WNK3: variants seen among roughly 807,000 people sequenced by gnomAD.
WNK3 encodes serine/threonine-protein kinase WNK3.
Under a neutral mutation model 116.7 loss-of-function variants are expected in WNK3, and 18 were observed. The observed-to-expected ratio is 0.15, with a 90% confidence interval of 0.11 to 0.23. The LOEUF (loss-of-function observed/expected upper bound fraction) is 0.23, where lower values mean the gene tolerates loss of function less well. Ranked by LOEUF, WNK3 falls within the 10% of genes least tolerant of loss-of-function variation. WNK3 has a pLI of 1.00. For synonymous variants in WNK3, 404 were observed against 469.4 expected, an observed-to-expected ratio of 0.86 and a Z score of 1.80; for missense variants, 993 against 1,323.8, an observed-to-expected ratio of 0.75 and a Z score of 3.88.
At chrX:54,305,793 C>T (rs1372735901) in intron 5 of WNK3, among the ~76,000 whole-genome samples, 6 of 110,649 alleles carry the variant, frequency 5.4e-5, no homozygotes, top group Middle Eastern at 9.5e-3. Context: ...CAGTGGCTCA[C>T]GCTTGTGATC....
intron 7 of WNK3, among the ~76,000 whole-genome samples, chrX:54,296,907 G>GA (rs2068704493): frequency 9.0e-6 from 1 of 110,745 alleles, no homozygotes; most frequent in African/African-American, 3.3e-5. Context: ...AGAGAGATTG[G>GA]AAGCAAAGAG....
intron 13 of WNK3, among the ~76,000 whole-genome samples, chrX:54,252,422 C>A (rs2068143081): frequency 9.0e-6 from 1 of 110,995 alleles, no homozygotes; most frequent in Admixed American, 9.6e-5. Flanking sequence ...GGTAGCCCAG[C>A]ACTTTGGGAG....
chrX:54,254,914 T>A (rs1328438419), intron 12 of WNK3, among the ~76,000 whole-genome samples: 1 of 111,463 alleles, frequency 9.0e-6, no homozygotes, highest in African/African-American at 3.3e-5. Flanking sequence ...TAAAGTCCGA[T>A]CTAGGTTCAG....
chrX:54,357,360 CAAAA>C (rs1368783687), intron 1 of WNK3, among the ~76,000 whole-genome samples: 3 of 110,546 alleles, frequency 2.7e-5, no homozygotes, highest in African/African-American at 9.9e-5. Flanking sequence ...AAATCAAAAA[CAAAA>C]AAGAAAACAA....
chrX:54,299,483 C>T (rs1393277416), intron 6 of WNK3, among the ~76,000 whole-genome samples: 2 of 89,997 alleles, frequency 2.2e-5, no homozygotes, highest in African/African-American at 9.6e-5. Context: ...GGAGTGCAGT[C>T]GCGTGATCTT....
chrX:54,224,327 G>C (rs1387364234), intron 22 of WNK3, among the ~76,000 whole-genome samples: 2 of 105,974 alleles, frequency 1.9e-5, no homozygotes, highest in African/African-American at 6.9e-5. Context: ...ACTCCAGCCT[G>C]GGCAACAAGA....
intron 17 of WNK3, among the ~76,000 whole-genome samples, chrX:54,241,322 A>G (rs1394822857): frequency 8.9e-6 from 1 of 112,142 alleles, no homozygotes; most frequent in African/African-American, 3.2e-5. Flanking sequence ...AAACACTTAC[A>G]GACAGATGAA....
chrX:54,293,289 G>A (rs1557165553), exon 9 of WNK3: 1 of 1,202,855 alleles, frequency 8.3e-7, no homozygotes, highest in African/African-American at 1.7e-5. Context: ...GTATCTGAAT[G>A]TATAACTGAT....
At chrX:54,234,845 AAAACC>A (rs2067944916) in intron 20 of WNK3, among the ~76,000 whole-genome samples, 1 of 110,389 alleles carries the variant, frequency 9.1e-6, no homozygotes, top group African/African-American at 3.3e-5. Context: ...AAAAACCAAA[AAAACC>A]AAACCAAAAC....
intron 3 of WNK3, 116 bp from the exon 4 acceptor site, chrX:54,309,431 G>A (rs1013622231): frequency 4.2e-5 from 23 of 541,722 alleles, no homozygotes; most frequent in Admixed American, 1.5e-4. Flanking sequence ...CCATCACTGA[G>A]TTGTTTTCTA....
chrX:54,220,260 T>C (rs782820790), intron 22 of WNK3, among the ~76,000 whole-genome samples: 2 of 111,817 alleles, frequency 1.8e-5, no homozygotes, highest in Non-Finnish European at 1.9e-5. Flanking sequence ...TGAATTTCCA[T>C]TGAACCAAGC....
intron 17 of WNK3, among the ~76,000 whole-genome samples, chrX:54,243,299 T>TA (rs2068041962): frequency 9.4e-6 from 1 of 106,716 alleles, no homozygotes; most frequent in African/African-American, 3.4e-5. Flanking sequence ...TGGGCACCTG[T>TA]AGTCCTAGCT....
intron 22 of WNK3, among the ~76,000 whole-genome samples, chrX:54,214,229 C>T (rs1169239612): frequency 2.7e-5 from 3 of 111,398 alleles, no homozygotes; most frequent in Admixed American, 9.6e-5. Context: ...ATGATCCTCC[C>T]GCCTTGGCCT....
At chrX:54,198,548 A>G in exon 24 of WNK3, 1 of 1,211,196 alleles carries the variant, frequency 8.3e-7, no homozygotes, top group Non-Finnish European at 1.1e-6. Flanking sequence ...GGCCCAGGAA[A>G]TGAAGGGAGT....
intron 10 of WNK3, among the ~76,000 whole-genome samples, chrX:54,263,072 T>A (rs1179339611): frequency 9.0e-6 from 1 of 110,677 alleles, no homozygotes; most frequent in East Asian, 2.8e-4. Context: ...CGGGAAGGTG[T>A]TGAGGAGGAT....
chrX:54,272,149 T>C (rs1557159465), intron 10 of WNK3, among the ~76,000 whole-genome samples: 1 of 112,526 alleles, frequency 8.9e-6, no homozygotes, highest in African/African-American at 3.2e-5. Flanking sequence ...AATATCTCTC[T>C]AGAGAAATCA....
At chrX:54,334,532 C>T (rs2069209581) in intron 1 of WNK3, among the ~76,000 whole-genome samples, 1 of 112,419 alleles carries the variant, frequency 8.9e-6, no homozygotes, top group Non-Finnish European at 1.9e-5. Flanking sequence ...GATGTTGTAG[C>T]ATGTATCAGA....
chrX:54,235,105 G>T (rs2067947829), intron 20 of WNK3, among the ~76,000 whole-genome samples: 1 of 111,695 alleles, frequency 9.0e-6, no homozygotes, highest in South Asian at 3.7e-4. Flanking sequence ...ACAAGTTAGA[G>T]AGAAAATATT....
At chrX:54,357,342 C>CAA (rs1209590717) in intron 1 of WNK3, among the ~76,000 whole-genome samples, 2 of 105,358 alleles carry the variant, frequency 1.9e-5, no homozygotes, top group African/African-American at 6.9e-5. Flanking sequence ...CAACAACAAC[C>CAA]AAAAAAAAAA....
Sources: allele counts gnomAD v4.1 joint callset (sites outside exome capture counted in the v4.1 genomes callset), GRCh38; gene constraint gnomAD v4.1.1; transcripts MANE v1.5; gene names NCBI Gene and HGNC (gene_info 2026-07-23, HGNC 2026-07-21).